The following NUBPL variants were observed in gnomAD, a reference collection of about 807,000 sequenced individuals.
NUBPL encodes the protein NUBP iron-sulfur cluster assembly factor, mitochondrial.
In NUBPL, 31 loss-of-function variants were observed where a neutral mutation model predicts 45.7. That is an observed-to-expected ratio of 0.68 (90% CI 0.51 to 0.92). The LOEUF (loss-of-function observed/expected upper bound fraction) is 0.92, where lower values mean the gene tolerates loss of function less well. Ranked by LOEUF, NUBPL falls within the 40% of genes least tolerant of loss-of-function variation. The pLI is 0.00. For synonymous variants in NUBPL, 144 were observed against 140.9 expected (o/e 1.02, Z -0.15); for missense variants, 401 against 398.7 (o/e 1.01, Z -0.05).
At chr14:31,638,872 C>T (rs1309853655) in intron 4 of NUBPL, among the ~76,000 whole-genome samples, 59 of 152,294 alleles carry the variant, frequency 3.9e-4, no homozygotes, top group African/African-American at 1.2e-3. Context: ...TCCAGTTGAT[C>T]GGATCGGCTC....
chr14:31,729,504 A>G (rs1254742601), intron 6 of NUBPL, among the ~76,000 whole-genome samples: 2 of 152,120 alleles, frequency 1.3e-5, no homozygotes, highest in Non-Finnish European at 2.9e-5. Flanking sequence ...CTACATTTGA[A>G]TGTACAAATT....
intron 6 of NUBPL, among the ~76,000 whole-genome samples, chr14:31,725,542 C>T (rs2037901495): frequency 6.6e-6 from 1 of 152,104 alleles, no homozygotes; most frequent in Non-Finnish European, 1.5e-5. Context: ...ACTTTATACA[C>T]ATAGCCTGAA....
At chr14:31,729,693 T>C (rs985970870) in intron 6 of NUBPL, among the ~76,000 whole-genome samples, 3 of 152,014 alleles carry the variant, frequency 2.0e-5, no homozygotes, top group Non-Finnish European at 4.4e-5. Flanking sequence ...TTATTTATTC[T>C]AATATTAAGT....
chr14:31,600,166 C>A (rs1329324814), intron 4 of NUBPL, among the ~76,000 whole-genome samples: 1 of 152,090 alleles, frequency 6.6e-6, no homozygotes, highest in Non-Finnish European at 1.5e-5. Flanking sequence ...AGGTGATCCA[C>A]CCACCTCACC....
intron 6 of NUBPL, among the ~76,000 whole-genome samples, chr14:31,715,246 A>G (rs1001321270): frequency 1.3e-5 from 2 of 152,156 alleles, no homozygotes; most frequent in African/African-American, 4.8e-5. Context: ...ATTCTGCTTT[A>G]TAGTTTCCCT....
At chr14:31,823,970 A>G (rs923113993) in intron 7 of NUBPL, among the ~76,000 whole-genome samples, 10 of 152,152 alleles carry the variant, frequency 6.6e-5, no homozygotes, top group Non-Finnish European at 1.2e-4. Context: ...GTAAATCAAA[A>G]TAGAAGGCTG....
intron 6 of NUBPL, among the ~76,000 whole-genome samples, chr14:31,738,990 T>G (rs2038218878): frequency 6.6e-6 from 1 of 151,212 alleles, no homozygotes. Flanking sequence ...AATAGACATA[T>G]GTAGAGTGTA....
intron 10 of NUBPL, among the ~76,000 whole-genome samples, chr14:31,852,000 TA>T (rs1423373826): frequency 6.6e-6 from 1 of 152,192 alleles, no homozygotes. Context: ...TAATATGATT[TA>T]ATACTCTAAA....
At chr14:31,829,785 A>G (rs1031974895) in intron 8 of NUBPL, among the ~76,000 whole-genome samples, 1 of 152,206 alleles carries the variant, frequency 6.6e-6, no homozygotes, top group African/African-American at 2.4e-5. Context: ...ATGATTTCTT[A>G]AAACTCAAGG....
chr14:31,636,941 A>G (rs1057348581), intron 4 of NUBPL, among the ~76,000 whole-genome samples: 10 of 151,950 alleles, frequency 6.6e-5, no homozygotes, highest in African/African-American at 2.4e-4. Flanking sequence ...GTGATATCCC[A>G]TTTATCATTT....
intron 6 of NUBPL, among the ~76,000 whole-genome samples, chr14:31,742,237 TAC>T (rs3035713): frequency 0.047 from 6,605 of 141,320 alleles, 161 homozygotes; most frequent in East Asian, 0.076. Context: ...AACTATTGTG[TAC>T]ACACACACAC....
chr14:31,706,786 A>G (rs953438552), intron 6 of NUBPL, among the ~76,000 whole-genome samples: 1 of 152,226 alleles, frequency 6.6e-6, no homozygotes, highest in Admixed American at 6.5e-5. Flanking sequence ...AGTGTGTGGC[A>G]GTAGGATAAT....
At chr14:31,648,494 TA>T (rs202001893) in intron 4 of NUBPL, among the ~76,000 whole-genome samples, 1,802 of 152,356 alleles carry the variant, frequency 0.012, 29 homozygotes, top group African/African-American at 0.034. Context: ...CCATCAGTAC[TA>T]ACACTTTTAA....
At position 31,760,767 on chromosome 14, in the gene NUBPL, A is replaced by AC. The variant is rs1444365223; in HGVS notation, c.514-27013_514-27012insC. Among the ~76,000 whole-genome samples, 16 of 1,338 alleles carry AC rather than the reference A, an allele frequency of 0.012. No individual in the cohort carries two copies. In the Admixed American group the frequency reaches 0.14, roughly 12 times the overall value. The allele number at this position is 1,338 out of a possible 152,430, so 0.9% of individuals were successfully genotyped here. On this transcript the variant is annotated intron_variant, in intron 6 of 10. Transcript: ENST00000281081. ...TTGGTTATTGTGTCATATATTGATT[A>AC]AAAAATTACAGTTTACAGTATTGCC...
intron 4 of NUBPL, among the ~76,000 whole-genome samples, chr14:31,642,212 T>A (rs539118331): frequency 3.9e-5 from 6 of 152,288 alleles, no homozygotes; most frequent in Non-Finnish European, 8.8e-5. Flanking sequence ...TGTTTTTGCC[T>A]TGGTTGCCTG....
At chr14:31,755,598 G>A (rs2038642226) in intron 6 of NUBPL, among the ~76,000 whole-genome samples, 1 of 150,504 alleles carries the variant, frequency 6.6e-6, no homozygotes, top group East Asian at 2.0e-4. Flanking sequence ...CTGGATATTA[G>A]CCCTTTGTCA....
At chr14:31,837,212 T>G (rs994795588) in intron 8 of NUBPL, among the ~76,000 whole-genome samples, 15 of 152,108 alleles carry the variant, frequency 9.9e-5, no homozygotes, top group Admixed American at 2.6e-4. Context: ...TCTCAGCTAC[T>G]TAGGAGGCTG....
intron 6 of NUBPL, among the ~76,000 whole-genome samples, chr14:31,681,598 A>G (rs934832527): frequency 6.6e-6 from 1 of 151,798 alleles, no homozygotes; most frequent in African/African-American, 2.4e-5. Flanking sequence ...TATCAGGCTA[A>G]TATACCCTTC....
intron 8 of NUBPL, among the ~76,000 whole-genome samples, chr14:31,827,473 A>G (rs77553383): frequency 1.3e-5 from 2 of 152,058 alleles, no homozygotes; most frequent in Non-Finnish European, 2.9e-5. Context: ...CACCTTCTTT[A>G]TAGTAAATAC....
Sources: gnomAD v4.1 joint callset for allele counts (sites outside exome capture counted in the v4.1 genomes callset) on GRCh38, gnomAD v4.1.1 for gene constraint, MANE v1.5 for transcripts, NCBI Gene and HGNC (gene_info 2026-07-23, HGNC 2026-07-21) for gene names.